PCDH9: variants seen among roughly 807,000 people sequenced by gnomAD.
The protein encoded by PCDH9 is protocadherin-9.
Under a neutral mutation model 70.6 loss-of-function variants are expected in PCDH9, and 24 were observed. That is an observed-to-expected ratio of 0.34 (90% CI 0.25 to 0.48). The LOEUF is 0.48. Among genes scored for constraint, PCDH9 ranks in the 20% least tolerant of loss-of-function variants. The pLI is 0.99. For synonymous variants in PCDH9, 562 were observed against 558.5 expected, an observed-to-expected ratio of 1.01 and a Z score of -0.09; for missense variants, 1,281 against 1,503.6, an observed-to-expected ratio of 0.85 and a Z score of 2.45.
At chr13:66,622,751 G>C (rs188306052) in intron 4 of PCDH9, among the ~76,000 whole-genome samples, 9 of 152,318 alleles carry the variant, frequency 5.9e-5, no homozygotes, top group African/African-American at 1.4e-4. Context: ...CCAGATAAGA[G>C]AATAAAAGCA....
At chr13:67,145,832 C>T (rs1246314897) in intron 2 of PCDH9, among the ~76,000 whole-genome samples, 1 of 151,954 alleles carries the variant, frequency 6.6e-6, no homozygotes, top group Admixed American at 6.6e-5. Context: ...AAAGTCACTT[C>T]AATGACTTTC....
chr13:66,383,761 G>A (rs956799864), intron 4 of PCDH9, among the ~76,000 whole-genome samples: 1 of 152,016 alleles, frequency 6.6e-6, no homozygotes, highest in African/African-American at 2.4e-5. Flanking sequence ...AACATTTCTA[G>A]ACAGAAATAA....
chr13:66,753,116 T>C (rs987419338), intron 3 of PCDH9, among the ~76,000 whole-genome samples: 1 of 152,196 alleles, frequency 6.6e-6, no homozygotes, highest in African/African-American at 2.4e-5. Flanking sequence ...CTTTATTTTG[T>C]ATGAAATGTA....
rs1456956217 is a variant in PCDH9 at position 66,588,519 on chromosome 13, TAC to T, written c.3340+42689_3340+42690del. The stretch of plus-strand genomic sequence containing the variant: ...ATATATATATATATATGTATGTATA[TAC>T]ACACACACACATATATATGCACACT... On this transcript the variant is annotated intron_variant, in intron 4 of 4. Coordinates refer to ENST00000377865, the MANE Select transcript of PCDH9 (RefSeq NM_203487.3). Among the ~76,000 whole-genome samples the T allele has an allele frequency of 2.4e-4, 37 of 151,458 alleles. 2 individuals carry two copies. In the South Asian group the frequency reaches 4.6e-3, roughly 19 times the overall value.
At chr13:66,988,524 G>A (rs1246494669) in intron 2 of PCDH9, among the ~76,000 whole-genome samples, 1 of 151,920 alleles carries the variant, frequency 6.6e-6, no homozygotes, top group East Asian at 1.9e-4. Flanking sequence ...CACAGACTTT[G>A]GGATATTTAT....
chr13:67,084,997 A>AAAAAAT (rs1566414172), intron 2 of PCDH9, among the ~76,000 whole-genome samples: 2 of 33,198 alleles, frequency 6.0e-5, no homozygotes, highest in Non-Finnish European at 1.0e-4. Context: ...AAAAAAAAAA[A>AAAAAAT]ATATATATAT....
At chr13:66,982,904 T>C (rs1250575730) in intron 2 of PCDH9, among the ~76,000 whole-genome samples, 1 of 152,230 alleles carries the variant, frequency 6.6e-6, no homozygotes, top group Admixed American at 6.5e-5. Flanking sequence ...GTTCTATGAC[T>C]TCAAGAGTGA....
chr13:66,916,998 C>T (rs541072945), intron 2 of PCDH9, among the ~76,000 whole-genome samples: 7 of 151,680 alleles, frequency 4.6e-5, no homozygotes, highest in African/African-American at 1.7e-4. Context: ...TTCTGCTGCT[C>T]ATTAAACTGA....
intron 2 of PCDH9, among the ~76,000 whole-genome samples, chr13:67,083,662 T>TA (rs1362925943): frequency 7.9e-5 from 12 of 152,182 alleles, no homozygotes; most frequent in Non-Finnish European, 1.8e-4. Flanking sequence ...CTCAGAGCCT[T>TA]AAGGCCTCCC....
intron 3 of PCDH9, among the ~76,000 whole-genome samples, chr13:66,732,703 G>A (rs1169410811): frequency 1.3e-5 from 2 of 151,832 alleles, no homozygotes; most frequent in Non-Finnish European, 2.9e-5. Context: ...TTCATGTAAG[G>A]CTCATTGAGC....
At chr13:67,086,169 T>G (rs897248598) in intron 2 of PCDH9, among the ~76,000 whole-genome samples, 3 of 152,192 alleles carry the variant, frequency 2.0e-5, no homozygotes, top group African/African-American at 7.2e-5. Context: ...GTATAAAGCA[T>G]CTTAAATTAT....
intron 2 of PCDH9, among the ~76,000 whole-genome samples, chr13:67,071,581 G>A (rs2085763541): frequency 6.6e-6 from 1 of 151,882 alleles, no homozygotes; most frequent in Non-Finnish European, 1.5e-5. Flanking sequence ...AAAATTCGGA[G>A]AAATTATTCA....
rs536485516 is a variant in PCDH9 at position 67,082,957 on chromosome 13, G to C, written c.3036+142448C>G. Reference sequence around the variant, plus strand: ...TTGTTCTTTTTAAATGAAAACCCAAGTATAAAGAATACTGGAATACCTCTG... The same window carrying C: ...TTGTTCTTTTTAAATGAAAACCCAACTATAAAGAATACTGGAATACCTCTG... On this transcript the variant is annotated intron_variant, in intron 2 of 4. Coordinates refer to ENST00000377865, the MANE Select transcript of PCDH9 (RefSeq NM_203487.3). Among the ~76,000 whole-genome samples the C allele has an allele frequency of 9.3e-4, 141 of 152,046 alleles. 1 individual carries two copies. Among genetic ancestry groups the C allele is most frequent in the South Asian group, 3.1e-3 (15 of 4,822 alleles).
In PCDH9 at chr13:67,176,004, T is replaced by A. The variant is rs578254662; in HGVS notation, c.3036+49401A>T. Among the ~76,000 whole-genome samples the A allele has an allele frequency of 4.6e-5, 7 of 152,192 alleles. No homozygotes were observed. In the Middle Eastern group the frequency reaches 0.014, roughly 296 times the overall value. On this transcript the variant is annotated intron_variant, in intron 2 of 4. Coordinates refer to ENST00000377865, the MANE Select transcript of PCDH9 (RefSeq NM_203487.3). ...AAGAAGATGTTTCCAGCTGATGTGT[T>A]TGATTGAGCTAGCTGATAAGTTTTA...
intron 2 of PCDH9, among the ~76,000 whole-genome samples, chr13:67,095,429 T>TA (rs1270366480): frequency 6.6e-6 from 1 of 152,188 alleles, no homozygotes; most frequent in Non-Finnish European, 1.5e-5. Context: ...GGTCAGTTCA[T>TA]ACGTTTATGT....
At chr13:67,044,303 G>T (rs1235066938) in intron 2 of PCDH9, among the ~76,000 whole-genome samples, 1 of 152,080 alleles carries the variant, frequency 6.6e-6, no homozygotes, top group Non-Finnish European at 1.5e-5. Context: ...AAAATAGTAA[G>T]AAATATAACC....
chr13:66,877,503 A>G (rs78647916), intron 3 of PCDH9, among the ~76,000 whole-genome samples: 5,186 of 152,176 alleles, frequency 0.034, 285 homozygotes, highest in African/African-American at 0.11. Context: ...ATATGAGCTT[A>G]CATAAGCCTT....
At chr13:66,514,626 T>G (rs757709974) in intron 4 of PCDH9, among the ~76,000 whole-genome samples, 4 of 152,106 alleles carry the variant, frequency 2.6e-5, no homozygotes, top group Non-Finnish European at 5.9e-5. Context: ...AGTTTATTCT[T>G]CGGGTGTGCT....
intron 3 of PCDH9, among the ~76,000 whole-genome samples, chr13:66,828,002 C>T (rs1029142234): frequency 1.3e-5 from 2 of 152,122 alleles, no homozygotes; most frequent in East Asian, 1.9e-4. Context: ...AAAAATAGAT[C>T]GCATCTTCTC....
Sources: allele counts gnomAD v4.1 joint callset (sites outside exome capture counted in the v4.1 genomes callset), GRCh38; gene constraint gnomAD v4.1.1; transcripts MANE v1.5; gene names NCBI Gene and HGNC (gene_info 2026-07-23, HGNC 2026-07-21).